Variants in DTNA observed in about 807,000 individuals in gnomAD.
DTNA encodes the protein dystrophin-related protein 3.
In DTNA, 43 loss-of-function variants were observed where a neutral mutation model predicts 100.7. The observed-to-expected ratio is 0.43, with a 90% CI of 0.33 to 0.55. The LOEUF is 0.55. Ranked by LOEUF, DTNA falls within the 20% of genes least tolerant of loss-of-function variation. DTNA has a pLI of 0.04. For missense variants in DTNA, 798 were observed against 953.9 expected (o/e 0.84, Z 2.15); for synonymous variants, 349 against 347.9 (o/e 1.00, Z -0.04).
intron 1 of DTNA, among the ~76,000 whole-genome samples, chr18:34,555,535 A>G (rs570911286): frequency 2.0e-5 from 3 of 151,756 alleles, no homozygotes; most frequent in East Asian, 3.9e-4. Flanking sequence ...TTCCCTCTAC[A>G]TGCTGCTTTG....
At chr18:34,551,006 A>T (rs2045351105) in intron 1 of DTNA, among the ~76,000 whole-genome samples, 3 of 152,016 alleles carry the variant, frequency 2.0e-5, no homozygotes. Flanking sequence ...TCTCATATTA[A>T]CTCCAATTTC....
chr18:34,781,483 T>C (rs921648225), intron 3 of DTNA, among the ~76,000 whole-genome samples: 1 of 152,164 alleles, frequency 6.6e-6, no homozygotes, highest in African/African-American at 2.4e-5. Flanking sequence ...CTAAAACTTA[T>C]CCCATTGGCC....
chr18:34,719,317 C>A (rs527479680), intron 1 of DTNA, among the ~76,000 whole-genome samples: 1 of 151,984 alleles, frequency 6.6e-6, no homozygotes, highest in Admixed American at 6.6e-5. Flanking sequence ...GCATTCTAGC[C>A]TGGGTGACAG....
chr18:34,595,762 C>T (rs71363456), intron 1 of DTNA, among the ~76,000 whole-genome samples: 4,526 of 152,248 alleles, frequency 0.03, 98 homozygotes, highest in Non-Finnish European at 0.046. Flanking sequence ...AAGTTGAGAT[C>T]TAAGTGATAA....
intron 1 of DTNA, among the ~76,000 whole-genome samples, chr18:34,675,501 T>G (rs1157388891): frequency 2.0e-5 from 3 of 152,160 alleles, no homozygotes; most frequent in Non-Finnish European, 2.9e-5. Context: ...TGAAATTATT[T>G]TTAATATGGT....
chr18:34,603,699 T>A (rs552537848), intron 1 of DTNA, among the ~76,000 whole-genome samples: 7 of 152,360 alleles, frequency 4.6e-5, no homozygotes, highest in South Asian at 4.1e-4. Context: ...TAAAGTGATT[T>A]GCTCCATTTT....
chr18:34,784,419 G>T (rs1412291600), intron 3 of DTNA, among the ~76,000 whole-genome samples: 1 of 152,124 alleles, frequency 6.6e-6, no homozygotes, highest in Non-Finnish European at 1.5e-5. Context: ...ATCGTTCTTT[G>T]CTCTGTGCCA....
At chr18:34,517,837 T>A (rs2041801125) in intron 1 of DTNA, among the ~76,000 whole-genome samples, 1 of 152,176 alleles carries the variant, frequency 6.6e-6, no homozygotes, top group South Asian at 2.1e-4. Context: ...ACATTTTGTA[T>A]AACCATTCAC....
intron 1 of DTNA, among the ~76,000 whole-genome samples, chr18:34,589,061 T>TA: frequency 6.6e-6 from 1 of 151,770 alleles, no homozygotes; most frequent in Non-Finnish European, 1.5e-5. Flanking sequence ...TATTTGTACA[T>TA]ACAGCCCTTT....
intron 1 of DTNA, among the ~76,000 whole-genome samples, chr18:34,499,104 C>T (rs978916586): frequency 1.3e-5 from 2 of 152,130 alleles, no homozygotes; most frequent in Admixed American, 6.5e-5. Context: ...TCCTATTGCT[C>T]TTCTATGGCA....
chr18:34,616,686 A>G (rs1047712177), intron 1 of DTNA, among the ~76,000 whole-genome samples: 4 of 152,200 alleles, frequency 2.6e-5, no homozygotes, highest in Non-Finnish European at 4.4e-5. Context: ...TTTGATAGGA[A>G]TAGCATTGAA....
At chr18:34,596,837 G>T (rs2147070657) in intron 1 of DTNA, among the ~76,000 whole-genome samples, 1 of 152,206 alleles carries the variant, frequency 6.6e-6, no homozygotes, top group Non-Finnish European at 1.5e-5. Flanking sequence ...TATTTGAGCT[G>T]TCAACACCAC....
chr18:34,706,116 T>C (rs2082081904), upstream of DTNA, among the ~76,000 whole-genome samples: 1 of 152,088 alleles, frequency 6.6e-6, no homozygotes, highest in Non-Finnish European at 1.5e-5. Flanking sequence ...GCCCAGCTAA[T>C]TTTGTATTTT....
At chr18:34,829,570 A>T in intron 11 of DTNA, 81 bp downstream of exon 11, 1 of 1,341,518 alleles carries the variant, frequency 7.5e-7, no homozygotes, top group Non-Finnish European at 9.8e-7. Context: ...CTGGCACTAA[A>T]ATCCTCTCAT....
chr18:34,522,395 A>T (rs545552077), intron 1 of DTNA, among the ~76,000 whole-genome samples: 1 of 152,308 alleles, frequency 6.6e-6, no homozygotes, highest in East Asian at 1.9e-4. Flanking sequence ...CTAGACTTTT[A>T]TAGAACCGTA....
chr18:34,497,581 T>A (rs2039390843), intron 1 of DTNA, among the ~76,000 whole-genome samples: 1 of 152,170 alleles, frequency 6.6e-6, no homozygotes, highest in South Asian at 2.1e-4. Context: ...TTTCATACTA[T>A]TAAATATTGA....
intron 13 of DTNA, among the ~76,000 whole-genome samples, chr18:34,840,854 T>C (rs2096254259): frequency 6.6e-6 from 1 of 152,090 alleles, no homozygotes; most frequent in Non-Finnish European, 1.5e-5. Context: ...TCTTCCCTTT[T>C]CTTTATGTTT....
At position 34,877,711 on chromosome 18, in the gene DTNA, C is replaced by A; in HGVS notation, c.1904-8C>A. The stretch of plus-strand genomic sequence containing the variant: ...TTGGTTTTTTAAATTATTTCTTCTT[C>A]CCTGAAGGTTCAAGAAGAAACTTAA... On this transcript the variant is annotated splice_polypyrimidine_tract_variant and splice_region_variant and intron_variant, in intron 18 of 22. Coordinates refer to ENST00000444659, the MANE Select transcript of DTNA (RefSeq NM_001386795.1). 2 of 1,611,070 alleles carry A rather than the reference C, an allele frequency of 1.2e-6. No homozygotes were observed. The highest frequency in any genetic ancestry group is 1.1e-5 in the South Asian group (1 of 90,974).
chr18:34,796,732 A>G (rs1398912120), intron 4 of DTNA, among the ~76,000 whole-genome samples: 1 of 152,220 alleles, frequency 6.6e-6, no homozygotes, highest in Non-Finnish European at 1.5e-5. Flanking sequence ...CTCATGAAGA[A>G]TAAGAACTTG....
Sources: allele counts gnomAD v4.1 joint callset (sites outside exome capture counted in the v4.1 genomes callset), GRCh38; gene constraint gnomAD v4.1.1; transcripts MANE v1.5; gene names NCBI Gene and HGNC (gene_info 2026-07-23, HGNC 2026-07-21).